Variants in DNAJA3 observed in about 807,000 individuals in gnomAD.
DNAJA3 encodes the protein DnaJ heat shock protein family (Hsp40) member A3.
DNAJA3 carries 29 observed loss-of-function variants against 54.9 expected under a neutral mutation model. The observed-to-expected ratio is 0.53, with a 90% confidence interval of 0.39 to 0.72. The LOEUF (loss-of-function observed/expected upper bound fraction) is 0.72. DNAJA3 is among the 30% of genes least tolerant of loss of function. DNAJA3 has a pLI of 0.00. For synonymous variants in DNAJA3, 302 were observed against 251.4 expected (o/e 1.20, Z -1.90); for missense variants, 708 against 639.4 (o/e 1.11, Z -1.16).
chr16:4,452,994 C>T (rs2056994699), intron 10 of DNAJA3, among the ~76,000 whole-genome samples: 1 of 152,168 alleles, frequency 6.6e-6, no homozygotes, highest in African/African-American at 2.4e-5. Context: ...AGTTTTGCAT[C>T]CACATATGAC....
intron 1 of DNAJA3, among the ~76,000 whole-genome samples, chr16:4,429,043 C>T (rs1229827429): frequency 6.6e-6 from 1 of 151,726 alleles, no homozygotes; most frequent in Non-Finnish European, 1.5e-5. Context: ...CACCTGCAAC[C>T]GCGCCCAGCT....
At chr16:4,438,635 CTTTT>C (rs56211652) in intron 3 of DNAJA3, among the ~76,000 whole-genome samples, 2 of 110,644 alleles carry the variant, frequency 1.8e-5, no homozygotes, top group African/African-American at 7.1e-5. Flanking sequence ...ACAATCTTTT[CTTTT>C]TTTTTTTTTT....
chr16:4,436,753 C>T (rs577915698), intron 2 of DNAJA3, among the ~76,000 whole-genome samples: 53 of 152,286 alleles, frequency 3.5e-4, no homozygotes, highest in South Asian at 6.2e-4. Context: ...CCAGGCTGTT[C>T]TCAAACTCCT....
chr16:4,447,749 G>C (rs2056920184), intron 8 of DNAJA3: 1 of 151,628 alleles, frequency 6.6e-6, no homozygotes, highest in South Asian at 2.1e-4. Flanking sequence ...GCTCTGGGCA[G>C]ACCCAACTTA....
chr16:4,448,122 A>T (rs1449024476), intron 8 of DNAJA3, among the ~76,000 whole-genome samples: 3 of 133,162 alleles, frequency 2.3e-5, no homozygotes, highest in Non-Finnish European at 4.6e-5. Context: ...TCCGCCTCCC[A>T]GGTTCAAGCG....
intron 1 of DNAJA3, among the ~76,000 whole-genome samples, chr16:4,432,163 C>T (rs943045553): frequency 6.7e-6 from 1 of 148,934 alleles, no homozygotes; most frequent in Non-Finnish European, 1.5e-5. Flanking sequence ...TCTAGTATGT[C>T]ATATAAGTTC....
chr16:4,450,443 G>C lies in DNAJA3; in HGVS notation c.1285G>C (p.Glu429Gln), dbSNP rs759078759. 5 of 1,612,196 alleles carry C rather than the reference G, an allele frequency of 3.1e-6. No individual in the cohort carries two copies. Among genetic ancestry groups the C allele is most frequent in the Non-Finnish European group, 1.7e-6 (2 of 1,179,466 alleles). ...RQQSLILSYAEDETDVEGTVN... is the reference protein window; with the variant it reads ...RQQSLILSYAQDETDVEGTVN... Reference sequence around the variant, plus strand: ...GCAGAGCCTGATCCTGAGCTACGCCGAGGACGAGACAGATGTGGAGGGGAC... The same window carrying C: ...GCAGAGCCTGATCCTGAGCTACGCCCAGGACGAGACAGATGTGGAGGGGAC... The change falls in exon 10 of 12, where the codon GAG becomes CAG. Residue 429 changes from glutamate (E) to glutamine (Q), a missense_variant. By Grantham distance (29) the Glu-to-Gln change is conservative. Transcript: ENST00000262375.
chr16:4,444,757 T>C (rs1250524396), intron 7 of DNAJA3, 29 bp downstream of exon 7: 2 of 1,606,350 alleles, frequency 1.2e-6, no homozygotes, highest in Non-Finnish European at 8.5e-7. Flanking sequence ...ACAGCTTCTG[T>C]TGGGCCTTTC....
At chr16:4,435,828 C>G (rs145185478) in intron 2 of DNAJA3, among the ~76,000 whole-genome samples, 10 of 152,294 alleles carry the variant, frequency 6.6e-5, no homozygotes, top group African/African-American at 1.9e-4. Flanking sequence ...TTTCAGTTCT[C>G]TTGGATATTT....
intron 5 of DNAJA3, 127 bp downstream of exon 5, chr16:4,442,547 C>CT: frequency 8.5e-7 from 1 of 1,179,042 alleles, no homozygotes. Context: ...GCCTGGCTGT[C>CT]TTTCCCCCGT....
chr16:4,445,614 A>G (rs933878749), intron 7 of DNAJA3, among the ~76,000 whole-genome samples: 2 of 152,142 alleles, frequency 1.3e-5, no homozygotes, highest in Non-Finnish European at 2.9e-5. Flanking sequence ...GCAGTGGGGC[A>G]GTCTTGGCTC....
chr16:4,447,883 T>C (rs1459743597), intron 8 of DNAJA3: 1 of 151,824 alleles, frequency 6.6e-6, no homozygotes, highest in Admixed American at 6.6e-5. Flanking sequence ...GCTAATTTTT[T>C]GTATTTTAGT....
At chr16:4,454,205 T>C (rs1237515660) in intron 10 of DNAJA3, among the ~76,000 whole-genome samples, 1 of 152,196 alleles carries the variant, frequency 6.6e-6, no homozygotes, top group Non-Finnish European at 1.5e-5. Context: ...CATGGGCTGT[T>C]CTGCAGGGTC....
chr16:4,436,143 C>G (rs2056769874), intron 2 of DNAJA3, among the ~76,000 whole-genome samples: 1 of 152,106 alleles, frequency 6.6e-6, no homozygotes, highest in South Asian at 2.1e-4. Flanking sequence ...TGTTTGGATC[C>G]ATTGCCCACT....
chr16:4,445,277 A>G (rs1324202191), intron 7 of DNAJA3, among the ~76,000 whole-genome samples: 1 of 152,236 alleles, frequency 6.6e-6, no homozygotes, highest in Non-Finnish European at 1.5e-5. Flanking sequence ...AGGCTGCTGC[A>G]GGGCAGTCGG....
At chr16:4,434,114 A>G (rs2056741381) in intron 1 of DNAJA3, 1 of 394,194 alleles carries the variant, frequency 2.5e-6, no homozygotes, top group South Asian at 3.2e-5. Context: ...TGAGCCCCTC[A>G]TAAAACTATC....
In DNAJA3 at chr16:4,426,072, G is replaced by C. The variant is rs756568157; in HGVS notation, c.191G>C (p.Arg64Thr). Reference sequence around the variant, plus strand: ...GGCCCCCGAGCGCTGCTGACATTGAGACCTGGTGTCAGCCTTACAGGTGAG... The same window carrying C: ...GGCCCCCGAGCGCTGCTGACATTGACACCTGGTGTCAGCCTTACAGGTGAG... Reference protein sequence around the residue: ...SCGPRALLTLRPGVSLTGTKH... With the variant: ...SCGPRALLTLTPGVSLTGTKH... The change falls in exon 1 of 12, where the codon AGA (arginine) becomes ACA (threonine). Residue 64 changes from arginine to threonine, a missense_variant. Coordinates refer to ENST00000262375, the MANE Select transcript of DNAJA3 (RefSeq NM_005147.6). 1.9e-6 allele frequency: 3 copies of C among 1,600,078 alleles called. No individual in the cohort carries two copies. The South Asian group carries it at 3.4e-5, about 18-fold the overall frequency.
chr16:4,442,483 G>A (rs1249415616), intron 5 of DNAJA3, 63 bp downstream of exon 5: 5 of 1,489,272 alleles, frequency 3.4e-6, no homozygotes, highest in East Asian at 2.4e-5. Context: ...AGAGCTGGTT[G>A]TGGCACTGCT....
chr16:4,437,823 C>T (rs376981843), intron 3 of DNAJA3, among the ~76,000 whole-genome samples: 4 of 149,918 alleles, frequency 2.7e-5, no homozygotes, highest in African/African-American at 9.8e-5. Flanking sequence ...GTGGTGGTGG[C>T]GCACCTGTAA....
Sources: allele counts gnomAD v4.1 joint callset (sites outside exome capture counted in the v4.1 genomes callset), GRCh38; gene constraint gnomAD v4.1.1; transcripts MANE v1.5; gene names NCBI Gene and HGNC (gene_info 2026-07-23, HGNC 2026-07-21).